TMEM108: variants seen among roughly 807,000 people sequenced by gnomAD.
TMEM108 encodes the protein cancer/testis antigen 124.
TMEM108 carries 12 observed loss-of-function variants against 35.1 expected under a neutral mutation model. That is an observed-to-expected ratio of 0.34 (90% CI 0.22 to 0.55). The LOEUF (loss-of-function observed/expected upper bound fraction) is 0.55. Among genes scored for constraint, TMEM108 ranks in the 20% least tolerant of loss-of-function variants. TMEM108 has a pLI of 0.89. For synonymous variants in TMEM108, 287 were observed against 308.6 expected, an observed-to-expected ratio of 0.93 and a Z score of 0.73; for missense variants, 680 against 753.3, an observed-to-expected ratio of 0.90 and a Z score of 1.14.
intron 3 of TMEM108, among the ~76,000 whole-genome samples, chr3:133,328,777 C>G (rs2071360679): frequency 6.6e-6 from 1 of 152,140 alleles, no homozygotes; most frequent in Non-Finnish European, 1.5e-5. Flanking sequence ...TTTTAGTTTC[C>G]AAGTTTGCAG....
At chr3:133,299,587 A>T (rs1947190951) in intron 3 of TMEM108, among the ~76,000 whole-genome samples, 1 of 152,148 alleles carries the variant, frequency 6.6e-6, no homozygotes, top group Admixed American at 6.5e-5. Flanking sequence ...TTTCCAGCTG[A>T]TGTTGGGCCA....
intron 3 of TMEM108, among the ~76,000 whole-genome samples, chr3:133,370,339 T>C (rs1480828664): frequency 6.6e-6 from 1 of 152,194 alleles, no homozygotes; most frequent in African/African-American, 2.4e-5. Flanking sequence ...AATTGGGATT[T>C]GTCTGATGTT....
chr3:133,380,705 A>G lies in TMEM108; in HGVS notation c.994A>G (p.Ser332Gly), dbSNP rs760691360. 1.9e-6 allele frequency: 3 copies of G among 1,614,100 alleles called. No homozygotes were observed. Among genetic ancestry groups the G allele is most frequent in the Non-Finnish European group, 1.7e-6 (2 of 1,180,002 alleles). Reference protein sequence around the residue: ...HGDPQDGPSHSDSWLTVTPGT... With the variant: ...HGDPQDGPSHGDSWLTVTPGT... Reference sequence around the variant, plus strand: ...TGACCCACAGGATGGCCCCAGCCATAGTGACTCTTGGCTTACTGTTACCCC... The same window carrying G: ...TGACCCACAGGATGGCCCCAGCCATGGTGACTCTTGGCTTACTGTTACCCC... The change falls in exon 4 of 6, where the codon AGT (serine) becomes GGT (glycine). Residue 332 changes from serine to glycine, a missense_variant. Physicochemically the swap from Ser to Gly is moderately conservative, Grantham distance 56. Transcript: ENST00000321871. This position sits in a 1 kb window ranked among gnomAD's most constrained non-coding sequence, Gnocchi z 5.3.
intron 2 of TMEM108, among the ~76,000 whole-genome samples, chr3:133,064,126 G>A (rs1343388392): frequency 6.6e-6 from 1 of 152,152 alleles, no homozygotes; most frequent in Non-Finnish European, 1.5e-5. Context: ...ATGGTGCCCT[G>A]TAAGACTCTA....
At chr3:133,232,013 A>G (rs1946160886) in intron 3 of TMEM108, among the ~76,000 whole-genome samples, 1 of 151,956 alleles carries the variant, frequency 6.6e-6, no homozygotes, top group Non-Finnish European at 1.5e-5. Context: ...TCATTCTGCC[A>G]TGGTGCCCTA....
intron 3 of TMEM108, among the ~76,000 whole-genome samples, chr3:133,349,277 T>C (rs2071917703): frequency 6.6e-6 from 1 of 152,182 alleles, no homozygotes; most frequent in Non-Finnish European, 1.5e-5. Context: ...AATCTAGGGT[T>C]GAATGCTGGT....
intron 2 of TMEM108, among the ~76,000 whole-genome samples, chr3:133,207,337 G>GT (rs1553747894): frequency 0.034 from 5,161 of 151,410 alleles, 271 homozygotes; most frequent in African/African-American, 0.11. Context: ...GTCCCAGTGA[G>GT]GAGCCAGGTA....
At chr3:133,253,122 A>C (rs965702197) in intron 3 of TMEM108, among the ~76,000 whole-genome samples, 3 of 152,228 alleles carry the variant, frequency 2.0e-5, no homozygotes, top group Non-Finnish European at 2.9e-5. Context: ...TGTTTTCTTC[A>C]GGGGTCCTGG....
intron 3 of TMEM108, among the ~76,000 whole-genome samples, chr3:133,261,614 C>A (rs539350024): frequency 6.6e-6 from 1 of 152,298 alleles, no homozygotes; most frequent in African/African-American, 2.4e-5. Flanking sequence ...TTTTCCCTCT[C>A]ACAAGATCCA....
At chr3:133,103,143 A>G (rs972553855) in intron 2 of TMEM108, among the ~76,000 whole-genome samples, 9 of 152,242 alleles carry the variant, frequency 5.9e-5, no homozygotes, top group Admixed American at 2.0e-4. Flanking sequence ...ACCTATGTTC[A>G]TTGAAGCACT....
intron 3 of TMEM108, among the ~76,000 whole-genome samples, chr3:133,375,594 T>C (rs988015130): frequency 6.6e-6 from 1 of 152,124 alleles, no homozygotes; most frequent in African/African-American, 2.4e-5. Flanking sequence ...AAGCCCTGGG[T>C]TGAAGGCCTC....
At position 133,178,504 on chromosome 3, in the gene TMEM108, G is replaced by A. The variant is rs536570906; in HGVS notation, c.-46-50762G>A. 1.1e-3 allele frequency among the ~76,000 whole-genome samples: 167 copies of A among 151,648 alleles called. 1 individual carries two copies. Among genetic ancestry groups the A allele is most frequent in the African/African-American group, 3.8e-3 (158 of 41,398 alleles). The stretch of plus-strand genomic sequence containing the variant: ...GAACAGAGCCCTCAGAAATAATGCC[G>A]CATATCTACAACCATCTGATCTTTG... On this transcript the variant is annotated intron_variant, in intron 2 of 5. Transcript: ENST00000321871.
At chr3:133,389,261 G>A in intron 4 of TMEM108, 2 of 985,496 alleles carry the variant, frequency 2.0e-6, no homozygotes, top group Non-Finnish European at 2.4e-6. Flanking sequence ...TGGGCCCTGG[G>A]AGTCTCAGGG....
chr3:133,304,349 T>G (rs1287883138), intron 3 of TMEM108, among the ~76,000 whole-genome samples: 1 of 152,160 alleles, frequency 6.6e-6, no homozygotes, highest in Non-Finnish European at 1.5e-5. Flanking sequence ...ACAGCTTTAG[T>G]TAAGTATTTA....
At chr3:133,176,080 G>A (rs776404464) in intron 2 of TMEM108, among the ~76,000 whole-genome samples, 2 of 152,074 alleles carry the variant, frequency 1.3e-5, no homozygotes, top group East Asian at 3.9e-4. Context: ...AAAGAAGGTT[G>A]TTACATAATG....
At chr3:133,386,630 C>G in intron 4 of TMEM108, 3 of 1,424,882 alleles carry the variant, frequency 2.1e-6, no homozygotes, top group Non-Finnish European at 2.7e-6. Flanking sequence ...ATGACCTCCT[C>G]CAGAGTCTTG....
chr3:133,136,342 CA>C (rs1440805829), intron 2 of TMEM108, among the ~76,000 whole-genome samples: 2 of 152,118 alleles, frequency 1.3e-5, no homozygotes, highest in Non-Finnish European at 2.9e-5. Flanking sequence ...GAAGACAGGG[CA>C]AGAGAAGAGG....
At chr3:133,304,815 C>T (rs1264513289) in intron 3 of TMEM108, among the ~76,000 whole-genome samples, 1 of 152,166 alleles carries the variant, frequency 6.6e-6, no homozygotes. Context: ...GGTGCAGTGG[C>T]TCATGCCTGT....
intron 3 of TMEM108, among the ~76,000 whole-genome samples, chr3:133,269,808 A>G (rs117722218): frequency 6.6e-6 from 1 of 152,198 alleles, no homozygotes; most frequent in South Asian, 2.1e-4. Flanking sequence ...CTTGTCACCT[A>G]TAAACACCTC....
Sources: gnomAD v4.1 joint callset for allele counts (sites outside exome capture counted in the v4.1 genomes callset) on GRCh38, gnomAD v4.1.1 for gene constraint, Gnocchi (gnomAD v3.1) non-coding constraint, MANE v1.5 for transcripts, NCBI Gene and HGNC (gene_info 2026-07-23, HGNC 2026-07-21) for gene names.